The following SOX5 variants were observed in gnomAD, a reference collection of about 807,000 sequenced individuals.
SOX5 encodes the protein SRY-box transcription factor 5, also known as transcription factor SOX-5.
SOX5 carries 9 observed loss-of-function variants against 92.0 expected under a neutral mutation model. The observed-to-expected ratio is 0.10, with a 90% CI of 0.06 to 0.17. The LOEUF is 0.17. Among genes scored for constraint, SOX5 ranks in the 10% least tolerant of loss-of-function variants. The pLI, the probability that SOX5 is intolerant of heterozygous loss-of-function variation, is 1.00. For synonymous variants in SOX5, 344 were observed against 336.3 expected (o/e 1.02, Z -0.25); for missense variants, 642 against 944.5 (o/e 0.68, Z 4.20).
chr12:23,970,732 C>T lies in SOX5; in HGVS notation c.-1-74708G>A, dbSNP rs539580972. Among the ~76,000 whole-genome samples the T allele has an allele frequency of 1.4e-3, 205 of 146,106 alleles. 1 individual carries two copies. The highest frequency in any genetic ancestry group is 4.9e-3 in the African/African-American group (194 of 39,684). On this transcript the variant is annotated intron_variant, in intron 4 of 4. Transcript: ENST00000446891. ...TTTCCAACATTTGACCATTGTGAACCGTGCTGCAATGAACATTGGTGTCCA... is the reference window on the plus strand; with the variant it reads ...TTTCCAACATTTGACCATTGTGAACTGTGCTGCAATGAACATTGGTGTCCA...
intron 3 of SOX5, among the ~76,000 whole-genome samples, chr12:23,765,067 A>G (rs1567582065): frequency 6.6e-6 from 1 of 152,106 alleles, no homozygotes; most frequent in African/African-American, 2.4e-5. Flanking sequence ...GTTCTAATAC[A>G]TAGAATCAGA....
intron 3 of SOX5, among the ~76,000 whole-genome samples, chr12:23,778,507 A>G (rs2095177532): frequency 6.6e-6 from 1 of 152,244 alleles, no homozygotes; most frequent in South Asian, 2.1e-4. Flanking sequence ...TGTGTAGGGC[A>G]TAAAATGGGT....
chr12:24,084,968 C>CT (rs957663117), intron 4 of SOX5, among the ~76,000 whole-genome samples: 4 of 152,036 alleles, frequency 2.6e-5, no homozygotes, highest in Admixed American at 6.6e-5. Flanking sequence ...GCCTTTTTCA[C>CT]TTTCTAACTA....
At chr12:23,798,052 A>C (rs2095596776) in intron 3 of SOX5, among the ~76,000 whole-genome samples, 1 of 151,754 alleles carries the variant, frequency 6.6e-6, no homozygotes, top group Admixed American at 6.6e-5. Context: ...CTCAGGATGG[A>C]TTTTTACATT....
At chr12:23,659,236 G>C (rs1270743699) in intron 7 of SOX5, among the ~76,000 whole-genome samples, 1 of 152,126 alleles carries the variant, frequency 6.6e-6, no homozygotes, top group Admixed American at 6.6e-5. Context: ...AATGAAACAT[G>C]TGACATTAAC....
intron 4 of SOX5, among the ~76,000 whole-genome samples, chr12:24,010,467 A>G (rs1952785303): frequency 6.6e-6 from 1 of 152,224 alleles, no homozygotes; most frequent in Non-Finnish European, 1.5e-5. Flanking sequence ...ATAGGTAGAA[A>G]CAGAAATAGG....
chr12:24,543,108 T>C (rs996874687), intron 1 of SOX5, among the ~76,000 whole-genome samples: 1 of 152,182 alleles, frequency 6.6e-6, no homozygotes, highest in African/African-American at 2.4e-5. Flanking sequence ...TTCTATGCAT[T>C]TGTGATTTTT....
At chr12:24,372,844 G>A (rs761490931) in intron 1 of SOX5, among the ~76,000 whole-genome samples, 1 of 151,740 alleles carries the variant, frequency 6.6e-6, no homozygotes, top group Admixed American at 6.6e-5. Context: ...GGGGATGGGT[G>A]CAGTGGCTCA....
At chr12:23,848,006 G>T (rs2096593340) in intron 2 of SOX5, among the ~76,000 whole-genome samples, 1 of 152,054 alleles carries the variant, frequency 6.6e-6, no homozygotes, top group Non-Finnish European at 1.5e-5. Flanking sequence ...TTTATGAATG[G>T]TCCATAACAC....
intron 4 of SOX5, among the ~76,000 whole-genome samples, chr12:24,047,554 T>A (rs190650654): frequency 5.3e-5 from 8 of 152,242 alleles, no homozygotes; most frequent in African/African-American, 1.9e-4. Context: ...TAGGCGTTTA[T>A]GACTTACGAC....
intron 13 of SOX5, among the ~76,000 whole-genome samples, chr12:23,541,885 C>T (rs1301281327): frequency 3.3e-5 from 5 of 152,196 alleles, no homozygotes; most frequent in Admixed American, 2.0e-4. Context: ...CCAAGGTGGG[C>T]GGATCACCTG....
At chr12:24,212,839 A>G (rs1352146076) in intron 4 of SOX5, among the ~76,000 whole-genome samples, 2 of 152,198 alleles carry the variant, frequency 1.3e-5, no homozygotes, top group Non-Finnish European at 2.9e-5. Flanking sequence ...TCTGGTTACT[A>G]TTAGCGTTGG....
At chr12:24,328,394 T>C (rs1407600610) in intron 2 of SOX5, among the ~76,000 whole-genome samples, 1 of 152,220 alleles carries the variant, frequency 6.6e-6, no homozygotes, top group African/African-American at 2.4e-5. Context: ...ACCCACTTCC[T>C]ATTTTCCTAC....
chr12:23,667,228 T>C (rs1419204954), intron 6 of SOX5, among the ~76,000 whole-genome samples: 1 of 152,204 alleles, frequency 6.6e-6, no homozygotes, highest in Non-Finnish European at 1.5e-5. Flanking sequence ...GAAAGTTTTA[T>C]TGGCTATATT....
At chr12:24,410,506 T>A (rs1205930798) in intron 1 of SOX5, among the ~76,000 whole-genome samples, 2 of 152,274 alleles carry the variant, frequency 1.3e-5, no homozygotes, top group Non-Finnish European at 2.9e-5. Context: ...AGGTCAAGGG[T>A]TTTTTTGTTT....
chr12:23,970,801 T>C (rs1228798159), intron 4 of SOX5, among the ~76,000 whole-genome samples: 1 of 111,724 alleles, frequency 9.0e-6, no homozygotes, highest in African/African-American at 3.2e-5. Context: ...TAACTAAGAG[T>C]GGAATTGCTA....
At chr12:23,642,578 G>A (rs919298163) in intron 7 of SOX5, among the ~76,000 whole-genome samples, 2 of 152,232 alleles carry the variant, frequency 1.3e-5, no homozygotes, top group Non-Finnish European at 2.9e-5. Flanking sequence ...TATTGCTGAA[G>A]TACAGAGAGC....
chr12:23,916,811 G>A (rs1394610499), intron 1 of SOX5, among the ~76,000 whole-genome samples: 1 of 152,090 alleles, frequency 6.6e-6, no homozygotes, highest in Non-Finnish European at 1.5e-5. Flanking sequence ...GAAGCTACCA[G>A]TAAAGTCTAG....
chr12:24,023,659 T>G (rs754037331), intron 4 of SOX5, among the ~76,000 whole-genome samples: 8 of 152,068 alleles, frequency 5.3e-5, no homozygotes, highest in Non-Finnish European at 1.0e-4. Flanking sequence ...ATGCATTTAT[T>G]TTTAGAGTTG....
Sources: gnomAD v4.1 joint callset for allele counts (sites outside exome capture counted in the v4.1 genomes callset) on GRCh38, gnomAD v4.1.1 for gene constraint, MANE v1.5 for transcripts, NCBI Gene and HGNC (gene_info 2026-07-23, HGNC 2026-07-21) for gene names.